The following COPG2 variants were observed in gnomAD, a reference collection of about 807,000 sequenced individuals.
The protein encoded by COPG2 is coat protein complex I subunit gamma 2, also known as coatomer subunit gamma-2.
COPG2 carries 37 observed loss-of-function variants against 46.3 expected under a neutral mutation model. The observed-to-expected ratio is 0.80, with a 90% CI of 0.61 to 1.05. The LOEUF (loss-of-function observed/expected upper bound fraction) is 1.05, where lower values mean the gene tolerates loss of function less well. COPG2 is among the 50% of genes least tolerant of loss of function. The pLI is 0.00. For missense variants in COPG2, 427 were observed against 387.8 expected (o/e 1.10, Z -0.85); for synonymous variants, 159 against 129.7 (o/e 1.23, Z -1.53).
intron 5 of COPG2, among the ~76,000 whole-genome samples, chr7:130,624,848 A>G (rs1208233066): frequency 6.6e-6 from 1 of 152,194 alleles, no homozygotes; most frequent in Non-Finnish European, 1.5e-5. Context: ...CGTCTTTGCA[A>G]TTGTGAACTG....
intron 5 of COPG2, among the ~76,000 whole-genome samples, chr7:130,636,693 C>A (rs1795345724): frequency 6.6e-6 from 1 of 152,102 alleles, no homozygotes; most frequent in Non-Finnish European, 1.5e-5. Flanking sequence ...CAGTCTGTGT[C>A]TTTCCACTGG....
At chr7:130,660,082 G>A (rs567152519) in intron 4 of COPG2, among the ~76,000 whole-genome samples, 33 of 152,104 alleles carry the variant, frequency 2.2e-4, no homozygotes, top group Non-Finnish European at 3.7e-4. Flanking sequence ...TGCTGGTAAC[G>A]GAAGGAGCTC....
intron 5 of COPG2, among the ~76,000 whole-genome samples, chr7:130,625,869 T>C (rs1475885683): frequency 6.6e-6 from 1 of 152,176 alleles, no homozygotes; most frequent in Non-Finnish European, 1.5e-5. Context: ...GAGCTAAGAA[T>C]TTAATTCACT....
chr7:130,628,871 CTCTT>C (rs1368016750), intron 5 of COPG2, among the ~76,000 whole-genome samples: 2 of 152,022 alleles, frequency 1.3e-5, no homozygotes, highest in Non-Finnish European at 2.9e-5. Context: ...GTAATGAGAC[CTCTT>C]TCTACAAAAA....
At chr7:130,600,927 C>T (rs1794622280) in intron 9 of COPG2, among the ~76,000 whole-genome samples, 1 of 152,190 alleles carries the variant, frequency 6.6e-6, no homozygotes, top group Admixed American at 6.5e-5. Flanking sequence ...CAAAGGAATA[C>T]ATGAGAGGTG....
intron 20 of COPG2, among the ~76,000 whole-genome samples, chr7:130,523,119 C>A (rs1408513232): frequency 7.1e-4 from 41 of 57,534 alleles, no homozygotes; most frequent in Admixed American, 1.0e-3. Flanking sequence ...ACTCTTCTCT[C>A]AAAAAAAAAA....
chr7:130,507,757 C>G lies in COPG2; in HGVS notation c.2314G>C (p.Ala772Pro). The change falls in exon 22 of 24, where the codon GCT (alanine) becomes CCT (proline). Residue 772 changes from alanine to proline, a missense_variant. Ala to Pro is a conservative substitution (Grantham distance 27). Transcript: ENST00000425248. ...QKVLKPNFAA[A>P]WEEVGDTFEK... ...AAGGTATCTCCCACCTCTTCCCAAG[C>G]AGCAGCAAAGTTAGGCTTCAGTACT... The G allele has an allele frequency of 1.3e-6, 1 of 780,552 alleles. No individual in the cohort carries two copies. The highest frequency in any genetic ancestry group is 2.4e-5 in the East Asian group (1 of 41,206). The allele number at this position is 780,552 out of a possible 1,614,324, so 48.4% of individuals were successfully genotyped here.
Position 130,663,033 on chromosome 7 carries a change from T to G in COPG2, c.177A>C (p.Glu59Asp). The G allele has an allele frequency of 6.5e-7, 1 of 1,530,276 alleles. No homozygotes were observed. 94.8% of individuals were successfully genotyped at this position (1,530,276 alleles called of 1,614,324 possible). The change falls in exon 4 of 24, where the codon GAA (glutamate) becomes GAC (aspartate). Residue 59 changes from glutamate (E) to aspartate (D), a missense_variant. Coordinates refer to ENST00000425248, the MANE Select transcript of COPG2 (RefSeq NM_012133.6). ...CTGTAGCTTCCGTTGTTCCAAAGTG[T>G]TCACCCTAAGTAAAATTTAAAACAA... Reference protein sequence around the residue: ...TKILYLLNQGEHFGTTEATEA... With the variant: ...TKILYLLNQGDHFGTTEATEA...
chr7:130,506,668 G>A lies in COPG2; in HGVS notation c.*8C>T. 1 of 778,490 alleles carries A rather than the reference G, an allele frequency of 1.3e-6. No individual in the cohort carries two copies. The highest frequency in any genetic ancestry group is 2.4e-6 in the Non-Finnish European group (1 of 416,720). The allele number at this position is 778,490 out of a possible 1,614,324, so 48.2% of individuals were successfully genotyped here. Reference sequence around the variant, plus strand: ...GTGTGCATCAGTTTCCTCTTGTCCAGTAAGCATTTATCCAACAGAAGCTAA... The same window carrying A: ...GTGTGCATCAGTTTCCTCTTGTCCAATAAGCATTTATCCAACAGAAGCTAA... On this transcript the variant is annotated 3_prime_UTR_variant, in exon 24 of 24. Transcript: ENST00000425248.
chr7:130,584,823 T>C (rs1197949845), intron 9 of COPG2, among the ~76,000 whole-genome samples: 1 of 151,832 alleles, frequency 6.6e-6, no homozygotes, highest in East Asian at 1.9e-4. Flanking sequence ...CACAAACAAA[T>C]GGAAACACAT....
chr7:130,645,765 A>G (rs782405792), intron 5 of COPG2, among the ~76,000 whole-genome samples: 4 of 152,076 alleles, frequency 2.6e-5, no homozygotes, highest in Non-Finnish European at 5.9e-5. Context: ...CACGGTGGAG[A>G]AGGACTCTCT....
At chr7:130,620,053 T>A (rs1795011816) in intron 5 of COPG2, among the ~76,000 whole-genome samples, 1 of 152,226 alleles carries the variant, frequency 6.6e-6, no homozygotes. Context: ...GAATACAGTA[T>A]GCTATTTTAA....
rs188691154 is a variant in COPG2, at chr7:130,654,675, T to C, written c.244-1727A>G. 6.2e-3 allele frequency among the ~76,000 whole-genome samples: 946 copies of C among 152,280 alleles called. 3 individuals carry two copies. Among genetic ancestry groups the C allele is most frequent in the Middle Eastern group, 0.02 (6 of 294 alleles). On this transcript the variant is annotated intron_variant, in intron 4 of 23. Coordinates refer to ENST00000425248, the MANE Select transcript of COPG2 (RefSeq NM_012133.6). ...CACAAAGATGAGTATTTGATTTTGA[T>C]AAGTCAAAAACCCATTGCAATTTTG...
chr7:130,651,675 C>A (rs1469027932), intron 5 of COPG2, among the ~76,000 whole-genome samples: 1 of 151,280 alleles, frequency 6.6e-6, no homozygotes, highest in Admixed American at 6.6e-5. Context: ...CGCCACCGCG[C>A]CCGGCTAATT....
intron 5 of COPG2, among the ~76,000 whole-genome samples, chr7:130,650,842 C>T (rs1554458972): frequency 6.6e-6 from 1 of 152,180 alleles, no homozygotes; most frequent in African/African-American, 2.4e-5. Context: ...ATTTGGGCAT[C>T]TATTTTGCAA....
chr7:130,658,204 C>T (rs1208218172), intron 4 of COPG2, among the ~76,000 whole-genome samples: 2 of 151,912 alleles, frequency 1.3e-5, no homozygotes, highest in African/African-American at 4.8e-5. Flanking sequence ...AATACGACGA[C>T]AAAATAAAAA....
chr7:130,652,091 G>A (rs577659453), intron 5 of COPG2, among the ~76,000 whole-genome samples: 26 of 152,220 alleles, frequency 1.7e-4, no homozygotes, highest in Non-Finnish European at 3.5e-4. Context: ...ATGATGATAT[G>A]GTTAATTAAA....
intron 7 of COPG2, 27 bp from the exon 8 acceptor site, chr7:130,612,265 A>C: frequency 7.3e-7 from 1 of 1,373,786 alleles, no homozygotes; most frequent in Non-Finnish European, 9.9e-7. Context: ...AAAAATGAGA[A>C]TAAATAATGC....
intron 9 of COPG2, among the ~76,000 whole-genome samples, chr7:130,586,494 G>C (rs782625739): frequency 1.5e-4 from 23 of 151,958 alleles, no homozygotes; most frequent in Admixed American, 2.0e-4. Flanking sequence ...ACAGAGTCTC[G>C]CTGTGTTGCC....
Sources: gnomAD v4.1 joint callset for allele counts (sites outside exome capture counted in the v4.1 genomes callset) on GRCh38, gnomAD v4.1.1 for gene constraint, MANE v1.5 for transcripts, NCBI Gene and HGNC (gene_info 2026-07-23, HGNC 2026-07-21) for gene names.